The following CENPB variants were observed in gnomAD, a reference collection of about 807,000 sequenced individuals.
CENPB encodes major centromere autoantigen B.
Under a neutral mutation model 41.9 loss-of-function variants are expected in CENPB, and 19 were observed. The observed-to-expected ratio is 0.45, with a 90% CI of 0.32 to 0.67. The LOEUF is 0.67. Among genes scored for constraint, CENPB ranks in the 30% least tolerant of loss-of-function variants. The pLI, the probability that CENPB is intolerant of heterozygous loss-of-function variation, is 0.04. For synonymous variants in CENPB, 399 were observed against 354.4 expected, an observed-to-expected ratio of 1.13 and a Z score of -1.41; for missense variants, 614 against 816.2, an observed-to-expected ratio of 0.75 and a Z score of 3.02.
chr20:3,786,564 C>G lies in CENPB; in HGVS notation c.-81G>C. 5.6e-6 allele frequency: 2 copies of G among 356,926 alleles called. No homozygotes were observed. The highest frequency in any genetic ancestry group is 1.1e-4 in the South Asian group (1 of 9,300). The allele number at this position is 356,926 out of a possible 1,614,324, so 22.1% of individuals were successfully genotyped here. ...GGGCCCGGGCCCGTGGCGGGGGGCA[C>G]CTGGCGGCCTCTCCCGCGCGCCCCG... is the stretch of plus-strand genomic sequence containing the variant. On this transcript the variant is annotated 5_prime_UTR_variant, in exon 1 of 1. Coordinates refer to ENST00000379751, the MANE Select transcript of CENPB (RefSeq NM_001810.6).
Position 3,785,200 on chromosome 20 carries a change from T to TCC in CENPB, c.1283_1284insGG (p.Gly429GlufsTer53). 1 of 760,952 alleles carries TCC rather than the reference T, an allele frequency of 1.3e-6. No individual in the cohort carries two copies. Among genetic ancestry groups the TCC allele is most frequent in the African/African-American group, 2.2e-5 (1 of 44,502 alleles). 47.1% of individuals were successfully genotyped at this position (760,952 alleles called of 1,614,324 possible). On this transcript the variant is annotated frameshift_variant, in exon 1 of 1. Transcript: ENST00000379751. LOFTEE classifies it high-confidence loss of function. ...CCCCTTCCTCCTCCTCCTCCTCCCC[T>TCC]TCCTCCTCCTCTTCCTCTCCTTCAC... is the stretch of plus-strand genomic sequence containing the variant.
In CENPB at chr20:3,784,850, C is replaced by A; in HGVS notation, c.1634G>T (p.Gly545Val). The A allele has an allele frequency of 6.2e-7, 1 of 1,614,078 alleles. No individual in the cohort carries two copies. Among genetic ancestry groups the A allele is most frequent in the Non-Finnish European group, 8.5e-7 (1 of 1,180,002 alleles). ...DGDEVPVPSF[G>V]EAMAYFAMVK... ...CATGGCAAAGTAAGCCATGGCCTCC[C>A]CAAAGCTGGGTACAGGCACCTCATC... Residue 545 changes from glycine to valine, a missense_variant, in exon 1 of 1, where the codon GGG (glycine) becomes GTG (valine). By Grantham distance (109) the Gly-to-Val change is moderately radical (BLOSUM62 -3). Transcript: ENST00000379751. This position sits in a 1 kb window ranked among gnomAD's most constrained non-coding sequence, Gnocchi z 5.2.
rs1198851115 is a variant in CENPB at position 3,785,434 on chromosome 20, C to G, written c.1050G>C (p.Glu350Asp). Residue 350 changes from glutamate (E) to aspartate (D), a missense_variant, in exon 1 of 1, where the codon GAG becomes GAC. By Grantham distance (45) the Glu-to-Asp change is conservative. Coordinates refer to ENST00000379751, the MANE Select transcript of CENPB (RefSeq NM_001810.6). ...AMLLKAMAAL[E>D]GQDPSGLQLG... ...GCTGCAGGCCTGAGGGATCCTGGCCCTCTAGCGCGGCCATGGCCTTGAGCA... is the reference window on the plus strand; with the variant it reads ...GCTGCAGGCCTGAGGGATCCTGGCCGTCTAGCGCGGCCATGGCCTTGAGCA... 5 of 1,591,280 alleles carry G rather than the reference C, an allele frequency of 3.1e-6. No individual in the cohort carries two copies. The highest frequency in any genetic ancestry group is 3.4e-6 in the Non-Finnish European group (4 of 1,169,292).
chr20:3,785,686 C>A lies in CENPB; in HGVS notation c.798G>T (p.Lys266Asn). 6.2e-7 allele frequency: 1 copy of A among 1,609,380 alleles called. No individual in the cohort carries two copies. Among genetic ancestry groups the A allele is most frequent in the Non-Finnish European group, 8.5e-7 (1 of 1,177,964 alleles). Residue 266 changes from lysine to asparagine, a missense_variant, in exon 1 of 1, where the codon AAG becomes AAT. Lys to Asn is a moderately conservative substitution (Grantham distance 94). Coordinates refer to ENST00000379751, the MANE Select transcript of CENPB (RefSeq NM_001810.6). ...CCAGGGCCTGGGTGGTGACACCACC[C>A]TTGGAGTTGGCGGTGTAGTCGCAGG... The part of the protein sequence containing the change: ...GLPCDYTANS[K>N]GGVTTQALAK...
In CENPB at chr20:3,785,366, T is replaced by C. The variant is rs1172481001; in HGVS notation, c.1118A>G (p.Gln373Arg). Residue 373 changes from glutamine (Q) to arginine (R), a missense_variant, in exon 1 of 1, where the codon CAG becomes CGG. Around this residue, in one of 2 missense-constraint regions of CENPB, gnomAD observed 537 missense variants for 629.4 expected, o/e 0.85. Transcript: ENST00000379751. ...EALHFVAAAW[Q>R]AVEPSDIAAC... is the part of the protein sequence containing the mutation. ...GGCTATGTCCGAAGGCTCCACTGCC[T>C]GCCAGGCGGCAGCCACAAAGTGCAG... 1 of 1,601,918 alleles carries C rather than the reference T, an allele frequency of 6.2e-7. No homozygotes were observed. Among genetic ancestry groups the C allele is most frequent in the Non-Finnish European group, 8.5e-7 (1 of 1,175,490 alleles).
chr20:3,785,210 T>A lies in CENPB; in HGVS notation c.1274A>T (p.Glu425Val). 2 of 1,119,922 alleles carry A rather than the reference T, an allele frequency of 1.8e-6. No individual in the cohort carries two copies. The highest frequency in any genetic ancestry group is 2.4e-6 in the Non-Finnish European group (2 of 836,808). 69.4% of individuals were successfully genotyped at this position (1,119,922 alleles called of 1,614,324 possible). Reference sequence around the variant, plus strand: ...CTCCTCCTCCTCCCCTTCCTCCTCCTCTTCCTCTCCTTCACCCTCTTCCTC... The same window carrying A: ...CTCCTCCTCCTCCCCTTCCTCCTCCACTTCCTCTCCTTCACCCTCTTCCTC... ...EEEEEGEGEE[E>V]EEEGEEEEEE... Residue 425 changes from glutamate (E) to valine (V), a missense_variant, in exon 1 of 1, where the codon GAG becomes GTG. Around this residue, in one of 2 missense-constraint regions of CENPB, gnomAD observed 537 missense variants for 629.4 expected, o/e 0.85. Transcript: ENST00000379751.
rs2088823809 is a variant in CENPB, at chr20:3,786,267, G to A, written c.217C>T (p.Pro73Ser). Reference sequence around the variant, plus strand: ...AGCAAGCCCTCGAGCTTGTCGTAGGGAGACAGCTTGTTGGTCTTGCGGCAG... The same window carrying A: ...AGCAAGCCCTCGAGCTTGTCGTAGGAAGACAGCTTGTTGGTCTTGCGGCAG... ...STCRKTNKLS[P>S]YDKLEGLLIA... Residue 73 changes from proline (P) to serine (S), a missense_variant, in exon 1 of 1, where the codon CCC becomes TCC. Pro to Ser is a moderately conservative substitution (Grantham distance 74). This residue lies in a region of CENPB where 77 missense variants were observed against 186.8 expected (regional missense o/e 0.41). Transcript: ENST00000379751. The A allele has an allele frequency of 6.2e-7, 1 of 1,607,396 alleles. No individual in the cohort carries two copies. The highest frequency in any genetic ancestry group is 8.5e-7 in the Non-Finnish European group (1 of 1,179,484).
Position 3,786,554 on chromosome 20 carries a change from GC to G in CENPB, c.-72del. The stretch of plus-strand genomic sequence containing the variant: ...CCGGGGCGGGGGGCCCGGGCCCGTG[GC>G]GGGGGGCACCTGGCGGCCTCTCCCG... On this transcript the variant is annotated 5_prime_UTR_variant, in exon 1 of 1. Transcript: ENST00000379751. The G allele has an allele frequency of 2.3e-6, 1 of 440,158 alleles. No homozygotes were observed. The highest frequency in any genetic ancestry group is 3.0e-6 in the Non-Finnish European group (1 of 335,946). The allele number at this position is 440,158 out of a possible 1,614,324, so 27.3% of individuals were successfully genotyped here.
Position 3,785,746 on chromosome 20 carries a change from C to T in CENPB, c.738G>A (p.Lys246=). 3.1e-6 allele frequency: 5 copies of T among 1,608,126 alleles called. No homozygotes were observed. Among genetic ancestry groups the T allele is most frequent in the Non-Finnish European group, 4.2e-6 (5 of 1,177,342 alleles). The change falls in exon 1 of 1, where the codon AAG becomes AAA. Residue 246 remains lysine, a synonymous_variant. Transcript: ENST00000379751. ...CTTGGCCTGCGCGGGGCTTGGCCGA[C>T]TTGCCGGCCACCAGCGGGGGCAGCT... ...SEKLPPLVAG[K]SAKPRAGQAG... is the part of the protein sequence containing the mutation.
chr20:3,784,932 C>A lies in CENPB; in HGVS notation c.1552G>T (p.Asp518Tyr). The A allele has an allele frequency of 6.2e-7, 1 of 1,614,112 alleles. No homozygotes were observed. The highest frequency in any genetic ancestry group is 1.1e-5 in the South Asian group (1 of 91,072). Reference sequence around the variant, plus strand: ...TCTTCATCATCCTCTTCCTCATCGTCCTCTTCCTCACTGTCTGAATCAGAG... The same window carrying A: ...TCTTCATCATCCTCTTCCTCATCGTACTCTTCCTCACTGTCTGAATCAGAG... The part of the protein sequence containing the change: ...EDSDSDSEEE[D>Y]DEEEDDEDED... The change falls in exon 1 of 1, where the codon GAC (aspartate) becomes TAC (tyrosine). Residue 518 changes from aspartate (D) to tyrosine (Y), a missense_variant. Asp to Tyr is a radical substitution (Grantham distance 160). Around this residue, in one of 2 missense-constraint regions of CENPB, gnomAD observed 537 missense variants for 629.4 expected, o/e 0.85. Transcript: ENST00000379751. The surrounding 1 kb of genome is among the most constrained non-coding windows in gnomAD (Gnocchi z 5.2).
chr20:3,785,010 C>A lies in CENPB; in HGVS notation c.1474G>T (p.Ala492Ser), dbSNP rs759217770. ...GTAGGGCACTGGGCTTCCTCCTGGGCACCATAAGCCCCGAAGCTGCCACCG... is the reference window on the plus strand; with the variant it reads ...GTAGGGCACTGGGCTTCCTCCTGGGAACCATAAGCCCCGAAGCTGCCACCG... The part of the protein sequence containing the change: ...EAGGSFGAYG[A>S]QEEAQCPTLH... Residue 492 changes from alanine to serine, a missense_variant, in exon 1 of 1, where the codon GCC (alanine) becomes TCC (serine). Around this residue, in one of 2 missense-constraint regions of CENPB, gnomAD observed 537 missense variants for 629.4 expected, o/e 0.85. Transcript: ENST00000379751. 1.2e-6 allele frequency: 2 copies of A among 1,614,076 alleles called. No individual in the cohort carries two copies. The highest frequency in any genetic ancestry group is 1.1e-5 in the South Asian group (1 of 91,082).
chr20:3,785,848 G>C lies in CENPB; in HGVS notation c.636C>G (p.Cys212Trp), dbSNP rs1796283437. 2 of 1,609,022 alleles carry C rather than the reference G, an allele frequency of 1.2e-6. No individual in the cohort carries two copies. Among genetic ancestry groups the C allele is most frequent in the African/African-American group, 2.7e-5 (2 of 74,880 alleles). ...CTTGACGCGGCCGTCCGTCGCCTCCGCACAGCCCCGCGGCCTGGTCGGGCA... is the reference window on the plus strand; with the variant it reads ...CTTGACGCGGCCGTCCGTCGCCTCCCCACAGCCCCGCGGCCTGGTCGGGCA... The part of the protein sequence containing the change: ...DFLPDQAAGL[C>W]GGDGRPRQAT... The change falls in exon 1 of 1, where the codon TGC (cysteine) becomes TGG (tryptophan). Residue 212 changes from cysteine to tryptophan, a missense_variant. Around this residue, in one of 2 missense-constraint regions of CENPB, gnomAD observed 537 missense variants for 629.4 expected, o/e 0.85. Coordinates refer to ENST00000379751, the MANE Select transcript of CENPB (RefSeq NM_001810.6).
chr20:3,786,496 C>A lies in CENPB; in HGVS notation c.-13G>T. 1 of 1,172,306 alleles carries A rather than the reference C, an allele frequency of 8.5e-7. No individual in the cohort carries two copies. The highest frequency in any genetic ancestry group is 1.1e-6 in the Non-Finnish European group (1 of 913,014). The allele number at this position is 1,172,306 out of a possible 1,614,324, so 72.6% of individuals were successfully genotyped here. ...TCTTGGGGCCCATCCCGGCGCGCCC[C>A]CCGCCCCGGGGCCCGGCGCCGCCGC... On this transcript the variant is annotated 5_prime_UTR_variant, in exon 1 of 1. Coordinates refer to ENST00000379751, the MANE Select transcript of CENPB (RefSeq NM_001810.6).
chr20:3,785,973 C>A lies in CENPB; in HGVS notation c.511G>T (p.Gly171Cys). ...GGCTGCTCCTCCCGAGCGCGCCAAC[C>A]AGTAGTGCTCCCGCCACTGCCCTCC... Reference protein sequence around the residue: ...PSEGSGGSTTGWRAREEQPPS... With the variant: ...PSEGSGGSTTCWRAREEQPPS... Residue 171 changes from glycine (G) to cysteine (C), a missense_variant, in exon 1 of 1, where the codon GGT becomes TGT. Transcript: ENST00000379751. 1 of 1,521,630 alleles carries A rather than the reference C, an allele frequency of 6.6e-7. No individual in the cohort carries two copies. The highest frequency in any genetic ancestry group is 1.7e-4 in the Middle Eastern group (1 of 5,730). The allele number at this position is 1,521,630 out of a possible 1,614,324, so 94.3% of individuals were successfully genotyped here. A position where few individuals can be genotyped will look rare whatever the true frequency, so the allele number is the denominator to read the frequency against.
chr20:3,785,825 T>A lies in CENPB; in HGVS notation c.659A>T (p.Gln220Leu), dbSNP rs1441954716. Residue 220 changes from glutamine to leucine, a missense_variant, in exon 1 of 1, where the codon CAA becomes CTA. By Grantham distance (113) the Gln-to-Leu change is moderately radical. Coordinates refer to ENST00000379751, the MANE Select transcript of CENPB (RefSeq NM_001810.6). Reference protein sequence around the residue: ...GLCGGDGRPRQATQRLSVLLC... With the variant: ...GLCGGDGRPRLATQRLSVLLC... Reference sequence around the variant, plus strand: ...CAGGACGCTCAGGCGCTGGGTGGCTTGACGCGGCCGTCCGTCGCCTCCGCA... The same window carrying A: ...CAGGACGCTCAGGCGCTGGGTGGCTAGACGCGGCCGTCCGTCGCCTCCGCA... 1 of 1,609,024 alleles carries A rather than the reference T, an allele frequency of 6.2e-7. No individual in the cohort carries two copies.
chr20:3,784,601 C>A lies in CENPB; in HGVS notation c.*83G>T. On this transcript the variant is annotated 3_prime_UTR_variant, in exon 1 of 1. Transcript: ENST00000379751. The surrounding 1 kb of genome is among the most constrained non-coding windows in gnomAD (Gnocchi z 5.2). ...GATCTGGGGCTCTGCACTCTGGCTCCATGCACAGCGGGTGCCCAGAGAGTC... is the reference window on the plus strand; with the variant it reads ...GATCTGGGGCTCTGCACTCTGGCTCAATGCACAGCGGGTGCCCAGAGAGTC... 1 of 1,498,114 alleles carries A rather than the reference C, an allele frequency of 6.7e-7. No homozygotes were observed. Among genetic ancestry groups the A allele is most frequent in the Non-Finnish European group, 9.1e-7 (1 of 1,094,130 alleles). 92.8% of individuals were successfully genotyped at this position (1,498,114 alleles called of 1,614,324 possible).
At position 3,784,404 on chromosome 20, in the gene CENPB, A is replaced by C; in HGVS notation, c.*280T>G. Reference sequence around the variant, plus strand: ...TAGTCCACTGAGGGCACGGTGTGGTAGCACCGGACAGCTCCCCACCCGCCC... The same window carrying C: ...TAGTCCACTGAGGGCACGGTGTGGTCGCACCGGACAGCTCCCCACCCGCCC... On this transcript the variant is annotated 3_prime_UTR_variant, in exon 1 of 1. Transcript: ENST00000379751. The surrounding 1 kb of genome is among the most constrained non-coding windows in gnomAD (Gnocchi z 5.2). The C allele has an allele frequency of 2.3e-6, 1 of 430,596 alleles. No individual in the cohort carries two copies. The highest frequency in any genetic ancestry group is 4.3e-6 in the Non-Finnish European group (1 of 234,088). 26.7% of individuals were successfully genotyped at this position (430,596 alleles called of 1,614,324 possible). A position where few individuals can be genotyped will look rare whatever the true frequency, so the allele number is the denominator to read the frequency against.
In CENPB at chr20:3,785,563, C is replaced by T; in HGVS notation, c.921G>A (p.Ser307=). ...AGGCCAGCTGCACATGCCGCAGGCCCGAGGTGTCCAAGGACTGGGCAGCCA... is the reference window on the plus strand; with the variant it reads ...AGGCCAGCTGCACATGCCGCAGGCCTGAGGTGTCCAAGGACTGGGCAGCCA... ...GRLAAQSLDT[S]GLRHVQLAFF... The change falls in exon 1 of 1, where the codon TCG becomes TCA. Residue 307 remains serine, a synonymous_variant. Coordinates refer to ENST00000379751, the MANE Select transcript of CENPB (RefSeq NM_001810.6). 6.3e-7 allele frequency: 1 copy of T among 1,599,878 alleles called. No individual in the cohort carries two copies. The highest frequency in any genetic ancestry group is 1.1e-5 in the South Asian group (1 of 89,204).
rs1300889115 is a variant in CENPB, at chr20:3,785,583, C to G, written c.901G>C (p.Ala301Pro). The change falls in exon 1 of 1, where the codon GCC becomes CCC. Residue 301 changes from alanine to proline, a missense_variant. Physicochemically the swap from Ala to Pro is conservative, Grantham distance 27 (BLOSUM62 -1). Around this residue, in one of 2 missense-constraint regions of CENPB, gnomAD observed 537 missense variants for 629.4 expected, o/e 0.85. Coordinates refer to ENST00000379751, the MANE Select transcript of CENPB (RefSeq NM_001810.6). ...RVLLLAGRLA[A>P]QSLDTSGLRH... ...AGGCCCGAGGTGTCCAAGGACTGGG[C>G]AGCCAAGCGGCCGGCCAACAGCAGG... 74 of 1,601,084 alleles carry G rather than the reference C, an allele frequency of 4.6e-5. No homozygotes were observed. Among genetic ancestry groups the G allele is most frequent in the Non-Finnish European group, 6.3e-5 (74 of 1,174,324 alleles).
Sources: allele counts gnomAD v4.1 joint callset, GRCh38; gene constraint gnomAD v4.1.1; regional missense constraint gnomAD v4.1.1; non-coding constraint Gnocchi (gnomAD v3.1); transcripts MANE v1.5; gene names NCBI Gene and HGNC (gene_info 2026-07-23, HGNC 2026-07-21).